SLC38A11: variants seen among roughly 807,000 people sequenced by gnomAD.
SLC38A11 encodes solute carrier family 38 member 11, also known as putative sodium-coupled neutral amino acid transporter 11.
SLC38A11 carries 51 observed loss-of-function variants against 49.4 expected under a neutral mutation model. The ratio of observed to expected loss-of-function variants is 1.03; its 90% CI spans 0.83 to 1.30. The LOEUF is 1.30. Ranked by LOEUF, SLC38A11 falls within the 50% of genes most tolerant of loss-of-function variation. The pLI is 0.00. For synonymous variants in SLC38A11, 203 were observed against 192.9 expected (o/e 1.05, Z -0.43); for missense variants, 574 against 556.2 (o/e 1.03, Z -0.32).
chr2:164,941,191 T>C (rs910902606), intron 5 of SLC38A11, among the ~76,000 whole-genome samples: 2 of 152,076 alleles, frequency 1.3e-5, no homozygotes, highest in African/African-American at 4.8e-5. Context: ...TAAACAACAG[T>C]AACGAAAGGT....
chr2:164,924,530 A>G (rs1033389691), intron 7 of SLC38A11, among the ~76,000 whole-genome samples: 5 of 152,142 alleles, frequency 3.3e-5, no homozygotes, highest in African/African-American at 9.7e-5. Context: ...TTTTAAAAGT[A>G]TATATTCTAA....
intron 7 of SLC38A11, among the ~76,000 whole-genome samples, chr2:164,923,069 C>G (rs1420361247): frequency 6.6e-6 from 1 of 152,224 alleles, no homozygotes; most frequent in South Asian, 2.1e-4. Flanking sequence ...TATACAAAAA[C>G]TAACTTGAGA....
intron 7 of SLC38A11, among the ~76,000 whole-genome samples, chr2:164,928,713 A>G (rs1347489280): frequency 6.6e-6 from 1 of 152,038 alleles, no homozygotes; most frequent in Non-Finnish European, 1.5e-5. Flanking sequence ...CAACCAGAAT[A>G]TTCATGTTCT....
rs117266891 is a variant in SLC38A11, at chr2:164,955,355, C to G, written c.-108G>C. 8.9e-7 allele frequency: 1 copy of G among 1,119,030 alleles called. No homozygotes were observed. Among genetic ancestry groups the G allele is most frequent in the African/African-American group, 1.6e-5 (1 of 64,340 alleles). The allele number at this position is 1,119,030 out of a possible 1,614,324, so 69.3% of individuals were successfully genotyped here. A position where few individuals can be genotyped will look rare whatever the true frequency, so the allele number is the denominator to read the frequency against. On this transcript the variant is annotated 5_prime_UTR_variant, in exon 1 of 12. Coordinates refer to ENST00000685975, the MANE Select transcript of SLC38A11 (RefSeq NM_001351537.2). ...CACACAGCCGAGGTCCGCGTGTAGC[C>G]GCAGAGCTGCAGGGAGCCAGTTCCA...
At position 164,898,138 on chromosome 2, in the gene SLC38A11, T is replaced by C. The variant is rs1574716258; in HGVS notation, c.*299A>G. The C allele has an allele frequency of 5.9e-6, 1 of 169,596 alleles. No individual in the cohort carries two copies. The highest frequency in any genetic ancestry group is 1.8e-4 in the East Asian group (1 of 5,540). 10.5% of individuals were successfully genotyped at this position (169,596 alleles called of 1,614,324 possible). On this transcript the variant is annotated 3_prime_UTR_variant, in exon 12 of 12. Coordinates refer to ENST00000685975, the MANE Select transcript of SLC38A11 (RefSeq NM_001351537.2). The stretch of plus-strand genomic sequence containing the variant: ...CTACTTATTTTGGAGCACAATATAC[T>C]GGTTTGCATATTAAATAAAAGGGGG...
intron 7 of SLC38A11, among the ~76,000 whole-genome samples, chr2:164,935,857 A>G (rs1414076791): frequency 6.6e-6 from 1 of 152,094 alleles, no homozygotes; most frequent in Admixed American, 6.6e-5. Flanking sequence ...GGAAGGGTGG[A>G]GCCCTCACTC....
rs149775727 is a variant in SLC38A11 at position 164,903,650 on chromosome 2, T to C, written c.1096-4920A>G. Among the ~76,000 whole-genome samples, 297 of 152,284 alleles carry C rather than the reference T, an allele frequency of 2.0e-3. 1 individual carries two copies. The highest frequency in any genetic ancestry group is 6.7e-3 in the African/African-American group (280 of 41,564). On this transcript the variant is annotated intron_variant, in intron 11 of 11. Coordinates refer to ENST00000685975, the MANE Select transcript of SLC38A11 (RefSeq NM_001351537.2). ...TTGATCTATTTAATGTAGACTTGCT[T>C]AAGGATACACCACTGGCTTTGGAAT...
intron 3 of SLC38A11, among the ~76,000 whole-genome samples, chr2:164,947,055 C>T (rs1456957482): frequency 6.9e-6 from 1 of 145,730 alleles, no homozygotes; most frequent in Non-Finnish European, 1.5e-5. Context: ...GTCATTTATA[C>T]TCAATTTTTC....
intron 7 of SLC38A11, among the ~76,000 whole-genome samples, chr2:164,935,486 A>C (rs1402538340): frequency 1.4e-5 from 2 of 147,048 alleles, no homozygotes; most frequent in Non-Finnish European, 3.0e-5. Context: ...CCTGGGCAAC[A>C]TAGTGAGACT....
intron 7 of SLC38A11, among the ~76,000 whole-genome samples, chr2:164,919,394 C>A (rs1053649604): frequency 2.0e-5 from 3 of 151,762 alleles, no homozygotes; most frequent in South Asian, 4.2e-4. Flanking sequence ...CTCAAAAAAA[C>A]CCCATAATAT....
chr2:164,913,552 T>A (rs997058556), intron 9 of SLC38A11, among the ~76,000 whole-genome samples: 1 of 152,040 alleles, frequency 6.6e-6, no homozygotes, highest in Non-Finnish European at 1.5e-5. Flanking sequence ...TTTTAAAGAA[T>A]TACAGCTAGG....
chr2:164,905,710 G>A (rs1417670944), intron 11 of SLC38A11, among the ~76,000 whole-genome samples: 1 of 152,002 alleles, frequency 6.6e-6, no homozygotes, highest in Admixed American at 6.6e-5. Context: ...TAGCATAATT[G>A]TCTTGGGCTA....
chr2:164,926,127 G>A (rs537391268), intron 7 of SLC38A11, among the ~76,000 whole-genome samples: 1 of 152,204 alleles, frequency 6.6e-6, no homozygotes, highest in South Asian at 2.1e-4. Flanking sequence ...GCTATAGATA[G>A]CCTCCTTCCA....
rs1314462302 is a variant in SLC38A11 at position 164,952,762 on chromosome 2, C to T, written c.174G>A (p.Lys58=). 1 of 1,606,154 alleles carries T rather than the reference C, an allele frequency of 6.2e-7. No individual in the cohort carries two copies. ...ATATTCCCAAAGGAAACCCAGCTTG[C>T]TTCATTGAATAAGGCAATCCTGAAA... ...SGIIGLPYSM[K]QAGFPLGILL... The change falls in exon 3 of 12, where the codon AAG becomes AAA. Residue 58 remains lysine, a synonymous_variant. Coordinates refer to ENST00000685975, the MANE Select transcript of SLC38A11 (RefSeq NM_001351537.2).
At chr2:164,929,082 T>C (rs968475157) in intron 7 of SLC38A11, among the ~76,000 whole-genome samples, 4 of 152,102 alleles carry the variant, frequency 2.6e-5, no homozygotes, top group Admixed American at 6.6e-5. Flanking sequence ...ATAGATGTTC[T>C]TCATAAAAGA....
At chr2:164,943,406 T>C (rs1206976248) in intron 5 of SLC38A11, among the ~76,000 whole-genome samples, 1 of 152,184 alleles carries the variant, frequency 6.6e-6, no homozygotes, top group Non-Finnish European at 1.5e-5. Flanking sequence ...TTCTCAGAAA[T>C]AATTTGTTAA....
chr2:164,943,162 A>T (rs1398960870), intron 5 of SLC38A11, among the ~76,000 whole-genome samples: 3 of 152,230 alleles, frequency 2.0e-5, no homozygotes, highest in African/African-American at 4.8e-5. Context: ...AATGGGGATT[A>T]TGTAGCTTGG....
intron 3 of SLC38A11, among the ~76,000 whole-genome samples, chr2:164,946,918 CT>C (rs746995779): frequency 5.9e-5 from 9 of 152,058 alleles, no homozygotes; most frequent in Non-Finnish European, 1.3e-4. Flanking sequence ...CTTCCTAGAT[CT>C]TACTCTTATC....
rs1438654138 is a variant in SLC38A11, at chr2:164,945,744, A to C, written c.230-17T>G. On this transcript the variant is annotated splice_polypyrimidine_tract_variant and intron_variant, in intron 3 of 11. Transcript: ENST00000685975. ...GGGAAAAGTCTGTGGCAAGAACATC[A>C]ATTAAATGTCAGATTACATGTAATA... 3 of 1,598,494 alleles carry C rather than the reference A, an allele frequency of 1.9e-6. No homozygotes were observed. Among genetic ancestry groups the C allele is most frequent in the Non-Finnish European group, 2.5e-6 (3 of 1,176,540 alleles).
Sources: allele counts gnomAD v4.1 joint callset (sites outside exome capture counted in the v4.1 genomes callset), GRCh38; gene constraint gnomAD v4.1.1; transcripts MANE v1.5; gene names NCBI Gene and HGNC (gene_info 2026-07-23, HGNC 2026-07-21).